GATAD2A: variants seen among roughly 807,000 people sequenced by gnomAD.
GATAD2A encodes the protein transcriptional repressor p66-alpha.
Under a neutral mutation model 68.5 loss-of-function variants are expected in GATAD2A, and 12 were observed. The ratio of observed to expected loss-of-function variants is 0.18; its 90% CI spans 0.11 to 0.28. The LOEUF is 0.28. Ranked by LOEUF, GATAD2A falls within the 10% of genes least tolerant of loss-of-function variation. The probability of loss-of-function intolerance (pLI) is 1.00; values close to 1 mark genes in which losing one functional copy is unlikely to be tolerated. For synonymous variants in GATAD2A, 410 were observed against 375.3 expected, an observed-to-expected ratio of 1.09 and a Z score of -1.07; for missense variants, 755 against 868.5, an observed-to-expected ratio of 0.87 and a Z score of 1.64.
chr19:19,467,000 G>A (rs1260510343), intron 2 of GATAD2A, among the ~76,000 whole-genome samples: 4 of 152,192 alleles, frequency 2.6e-5, no homozygotes. Flanking sequence ...CTGGGTTGCT[G>A]ACATGCATTT....
At chr19:19,462,234 C>T (rs1008432141) in intron 1 of GATAD2A, among the ~76,000 whole-genome samples, 4 of 152,206 alleles carry the variant, frequency 2.6e-5, no homozygotes, top group African/African-American at 7.2e-5. Flanking sequence ...GCACTAGTCC[C>T]GCTTGCTTCG....
Position 19,505,431 on chromosome 19 carries a change from T to C in GATAD2A, c.1862T>C (p.Met621Thr), listed in dbSNP as rs201591863. 10 of 1,612,256 alleles carry C rather than the reference T, an allele frequency of 6.2e-6. No individual in the cohort carries two copies. Among genetic ancestry groups the C allele is most frequent in the Non-Finnish European group, 8.5e-6 (10 of 1,179,282 alleles). The change falls in exon 12 of 12, where the codon ATG (methionine) becomes ACG (threonine). Residue 621 changes from methionine to threonine, a missense_variant. Transcript: ENST00000683918. The part of the protein sequence containing the change: ...VDRQREYLLD[M>T]IPPRSIPQSA... ...CGCCAGCGAGAGTACCTCCTGGACA[T>C]GATCCCACCCCGCTCCATCCCCCAG...
At chr19:19,415,433 A>T (rs1293640946) in intron 1 of GATAD2A, among the ~76,000 whole-genome samples, 2 of 149,134 alleles carry the variant, frequency 1.3e-5, no homozygotes. Flanking sequence ...GGGATTACAG[A>T]CGTGAGCCAC....
At chr19:19,493,939 C>T (rs2059977192) in intron 4 of GATAD2A, among the ~76,000 whole-genome samples, 1 of 152,128 alleles carries the variant, frequency 6.6e-6, no homozygotes, top group African/African-American at 2.4e-5. Flanking sequence ...TGAGATCTCC[C>T]TGTCTGGGCC....
rs2060311655 is a variant in GATAD2A at position 19,498,700 on chromosome 19, G to T, written c.1182G>T (p.Val394=). The change falls in exon 8 of 12, where the codon GTG becomes GTT. Residue 394 remains valine, a synonymous_variant. Coordinates refer to ENST00000683918, the MANE Select transcript of GATAD2A (RefSeq NM_001384528.1). ...FIYLVGLEEV[V]QNLLETQAGR... ...ACCTGGTCGGCCTGGAGGAGGTGGT[G>T]CAGAACCTACTGGAGACACAAGGTG... is the stretch of plus-strand genomic sequence containing the variant. The T allele has an allele frequency of 6.2e-7, 1 of 1,612,382 alleles. No homozygotes were observed. The highest frequency in any genetic ancestry group is 8.5e-7 in the Non-Finnish European group (1 of 1,179,146).
chr19:19,409,221 G>T (rs776880501), intron 1 of GATAD2A, among the ~76,000 whole-genome samples: 1 of 151,970 alleles, frequency 6.6e-6, no homozygotes, highest in Non-Finnish European at 1.5e-5. Context: ...GCTTGGACTC[G>T]GGGTGTTTCT....
intron 1 of GATAD2A, among the ~76,000 whole-genome samples, chr19:19,409,928 C>G (rs1349511338): frequency 6.6e-6 from 1 of 152,124 alleles, no homozygotes; most frequent in East Asian, 1.9e-4. Context: ...GTAGGTTAGT[C>G]TTTTAGAAGA....
intron 2 of GATAD2A, among the ~76,000 whole-genome samples, chr19:19,477,176 G>T (rs10405475): frequency 0.035 from 5,337 of 152,158 alleles, 321 homozygotes; most frequent in African/African-American, 0.12. Flanking sequence ...GCTGAGGCTC[G>T]GGCAGATGCC....
intron 1 of GATAD2A, among the ~76,000 whole-genome samples, chr19:19,414,885 C>CT: frequency 9.5e-6 from 1 of 105,564 alleles, no homozygotes; most frequent in South Asian, 3.5e-4. Flanking sequence ...TTTTGGGTGT[C>CT]TGTAGGGTGA....
chr19:19,452,786 C>T (rs946815867), intron 1 of GATAD2A, among the ~76,000 whole-genome samples: 1 of 152,152 alleles, frequency 6.6e-6, no homozygotes, highest in Non-Finnish European at 1.5e-5. Context: ...TGGGACAGGA[C>T]ATGATATAGG....
chr19:19,478,298 G>A (rs1270322395), intron 2 of GATAD2A, among the ~76,000 whole-genome samples: 1 of 152,136 alleles, frequency 6.6e-6, no homozygotes. Context: ...CATTTACTGT[G>A]TTAGAAAATT....
chr19:19,396,158 T>G (rs1291875704), intron 1 of GATAD2A, among the ~76,000 whole-genome samples: 3 of 152,076 alleles, frequency 2.0e-5, no homozygotes, highest in Admixed American at 2.0e-4. Flanking sequence ...CTGTCTGTAC[T>G]GAAAATACGA....
At chr19:19,387,144 G>T (rs1332738888) in intron 1 of GATAD2A, among the ~76,000 whole-genome samples, 1 of 151,812 alleles carries the variant, frequency 6.6e-6, no homozygotes, top group Admixed American at 6.6e-5. Context: ...TTCTATCAGG[G>T]TGTACTTTCT....
At chr19:19,455,877 G>T (rs548608358) in intron 1 of GATAD2A, among the ~76,000 whole-genome samples, 1 of 152,190 alleles carries the variant, frequency 6.6e-6, no homozygotes, top group African/African-American at 2.4e-5. Flanking sequence ...CTGGCCAGGC[G>T]TGGTGGCTTA....
chr19:19,429,832 C>T (rs573047118), intron 1 of GATAD2A, among the ~76,000 whole-genome samples: 11 of 152,122 alleles, frequency 7.2e-5, no homozygotes, highest in East Asian at 3.9e-4. Context: ...TTGGTCCTCC[C>T]GGGGCTGATT....
chr19:19,494,411 G>T, intron 5 of GATAD2A, 28 bp downstream of exon 5: 1 of 1,396,236 alleles, frequency 7.2e-7, no homozygotes, highest in South Asian at 1.2e-5. Flanking sequence ...GTCTCACTGG[G>T]TGCCCTGCTG....
At chr19:19,461,994 C>G (rs1051510025) in intron 1 of GATAD2A, among the ~76,000 whole-genome samples, 7 of 152,210 alleles carry the variant, frequency 4.6e-5, no homozygotes, top group African/African-American at 1.7e-4. Flanking sequence ...CTGGAACTTC[C>G]GCCACCGGAG....
intron 1 of GATAD2A, among the ~76,000 whole-genome samples, chr19:19,388,057 C>CTT (rs1568686046): frequency 4.0e-5 from 5 of 126,004 alleles, no homozygotes; most frequent in Admixed American, 1.5e-4. Context: ...AGCTTCTCCT[C>CTT]CTTTTTTTTT....
At chr19:19,480,615 G>A (rs950027717) in intron 2 of GATAD2A, among the ~76,000 whole-genome samples, 2 of 152,210 alleles carry the variant, frequency 1.3e-5, no homozygotes, top group South Asian at 2.1e-4. Context: ...AGAGGTTGAC[G>A]TTTAATCGCA....
Sources: gnomAD v4.1 joint callset for allele counts (sites outside exome capture counted in the v4.1 genomes callset) on GRCh38, gnomAD v4.1.1 for gene constraint, MANE v1.5 for transcripts, NCBI Gene and HGNC (gene_info 2026-07-23, HGNC 2026-07-21) for gene names.